The following CDH18 variants were observed in gnomAD, a reference collection of about 807,000 sequenced individuals.
CDH18 encodes the protein cadherin-18.
A neutral mutation model predicts 67.9 loss-of-function variants in CDH18; 31 were observed. The ratio of observed to expected loss-of-function variants is 0.46; its 90% CI spans 0.34 to 0.62. The LOEUF (loss-of-function observed/expected upper bound fraction) is 0.62, where lower values mean the gene tolerates loss of function less well. Ranked by LOEUF, CDH18 falls within the 20% of genes least tolerant of loss-of-function variation. The pLI is 0.01. For missense variants in CDH18, 890 were observed against 975.5 expected (o/e 0.91, Z 1.17); for synonymous variants, 362 against 347.2 (o/e 1.04, Z -0.48).
At chr5:19,728,869 G>T (rs1185543656) in intron 4 of CDH18, among the ~76,000 whole-genome samples, 1 of 152,084 alleles carries the variant, frequency 6.6e-6, no homozygotes. Context: ...ACATGAAAAA[G>T]AAATAGTCGT....
At chr5:19,998,507 G>C (rs1185763300) in intron 2 of CDH18, among the ~76,000 whole-genome samples, 2 of 152,086 alleles carry the variant, frequency 1.3e-5, no homozygotes, top group Non-Finnish European at 2.9e-5. Context: ...AGGACCATTA[G>C]ATATCAACAA....
At chr5:19,782,592 G>C (rs749204308) in intron 3 of CDH18, among the ~76,000 whole-genome samples, 34 of 152,272 alleles carry the variant, frequency 2.2e-4, no homozygotes, top group Non-Finnish European at 4.0e-4. Flanking sequence ...ATGGAGTCAG[G>C]GCAGCACGAT....
chr5:20,103,767 T>C (rs1746682517), intron 2 of CDH18, among the ~76,000 whole-genome samples: 1 of 149,868 alleles, frequency 6.7e-6, no homozygotes, highest in Non-Finnish European at 1.5e-5. Context: ...TGTGTATAAT[T>C]TAATATAGAA....
chr5:19,651,445 C>A (rs948770760), intron 5 of CDH18, among the ~76,000 whole-genome samples: 26 of 152,056 alleles, frequency 1.7e-4, no homozygotes, highest in Admixed American at 1.5e-3. Context: ...CCTTCCAGAT[C>A]TTCAAGATCA....
At chr5:20,167,681 C>T (rs1736398571) in intron 2 of CDH18, among the ~76,000 whole-genome samples, 1 of 152,014 alleles carries the variant, frequency 6.6e-6, no homozygotes, top group Admixed American at 6.6e-5. Context: ...TGTGAATGTG[C>T]AGTGAATAGG....
chr5:19,793,931 G>C (rs1173037406), intron 3 of CDH18, among the ~76,000 whole-genome samples: 1 of 152,032 alleles, frequency 6.6e-6, no homozygotes, highest in Non-Finnish European at 1.5e-5. Context: ...GGTAAGTTTG[G>C]TAATATAATT....
chr5:19,933,139 T>C (rs1793890219), intron 2 of CDH18, among the ~76,000 whole-genome samples: 1 of 151,542 alleles, frequency 6.6e-6, no homozygotes. Flanking sequence ...TTCTCCCCTT[T>C]AATCCTTATT....
intron 1 of CDH18, among the ~76,000 whole-genome samples, chr5:20,358,042 A>T (rs1442852993): frequency 6.6e-6 from 1 of 152,244 alleles, no homozygotes. Flanking sequence ...AAACTAGGGC[A>T]GAAACAGAAA....
chr5:19,734,255 T>C (rs1421001396), intron 4 of CDH18, among the ~76,000 whole-genome samples: 1 of 152,236 alleles, frequency 6.6e-6, no homozygotes, highest in Non-Finnish European at 1.5e-5. Flanking sequence ...CCCCTTTCAA[T>C]TGGAATGCTA....
chr5:19,858,954 A>G (rs1784574099), intron 2 of CDH18, among the ~76,000 whole-genome samples: 1 of 152,134 alleles, frequency 6.6e-6, no homozygotes, highest in South Asian at 2.1e-4. Context: ...ATTTAAACTG[A>G]GCATGAAAAA....
At chr5:20,516,878 C>A (rs1191451269) in intron 1 of CDH18, among the ~76,000 whole-genome samples, 1 of 151,798 alleles carries the variant, frequency 6.6e-6, no homozygotes, top group South Asian at 2.1e-4. Flanking sequence ...TGACAAATTA[C>A]GTGTTTTCAA....
At chr5:19,912,868 A>G (rs1393648996) in intron 2 of CDH18, among the ~76,000 whole-genome samples, 1 of 152,144 alleles carries the variant, frequency 6.6e-6, no homozygotes, top group Non-Finnish European at 1.5e-5. Context: ...AACTCAAAGC[A>G]AAGATAGGAC....
rs920939139 is a variant in CDH18, at chr5:20,086,789, C to T, written c.-517-94775G>A. On this transcript the variant is annotated intron_variant, in intron 2 of 14. Coordinates refer to the CDH18 transcript ENST00000507958. The stretch of plus-strand genomic sequence containing the variant: ...AAGACTCTTTCTAAATACTAATGCT[C>T]ATTGATAAGGTACCTGGTCACCCAA... 2.6e-5 allele frequency among the ~76,000 whole-genome samples: 4 copies of T among 152,152 alleles called. No homozygotes were observed. The South Asian group carries it at 8.3e-4, about 31-fold the overall frequency.
At chr5:19,545,174 T>C (rs1736100641) in intron 8 of CDH18, among the ~76,000 whole-genome samples, 1 of 152,202 alleles carries the variant, frequency 6.6e-6, no homozygotes, top group Non-Finnish European at 1.5e-5. Context: ...TCAGCTTAAG[T>C]AATATTTTAT....
chr5:19,643,366 G>T lies in CDH18; in HGVS notation c.644-30765C>A, dbSNP rs534482803. On this transcript the variant is annotated intron_variant, in intron 5 of 12. Coordinates refer to ENST00000382275, the MANE Select transcript of CDH18 (RefSeq NM_004934.5). ...AATGGAAATGAAATCAATATTTTGA[G>T]AAGATAACTATAGTCCCATGTTCAT... Among the ~76,000 whole-genome samples the T allele has an allele frequency of 5.5e-3, 839 of 152,178 alleles. 5 individuals are homozygous for T. The highest frequency in any genetic ancestry group is 0.019 in the African/African-American group (794 of 41,542).
At chr5:19,859,749 A>G (rs922448479) in intron 2 of CDH18, among the ~76,000 whole-genome samples, 4 of 152,084 alleles carry the variant, frequency 2.6e-5, no homozygotes, top group African/African-American at 9.7e-5. Flanking sequence ...ATACATCTTA[A>G]ACATATTGAT....
intron 5 of CDH18, among the ~76,000 whole-genome samples, chr5:19,696,485 G>T (rs1311137001): frequency 4.0e-5 from 6 of 151,542 alleles, no homozygotes; most frequent in African/African-American, 1.2e-4. Context: ...GCAGTGAGCC[G>T]AGATTGATCC....
At chr5:20,532,283 TAC>T (rs1221151417) in intron 1 of CDH18, among the ~76,000 whole-genome samples, 4 of 152,144 alleles carry the variant, frequency 2.6e-5, no homozygotes, top group Admixed American at 2.6e-4. Flanking sequence ...TATTGTGAAT[TAC>T]AGTCATTGTA....
chr5:19,916,456 C>G (rs765197673), intron 2 of CDH18, among the ~76,000 whole-genome samples: 17 of 152,168 alleles, frequency 1.1e-4, no homozygotes, highest in Non-Finnish European at 2.2e-4. Context: ...GCCTGTGGAT[C>G]CACAGTCACA....
Sources: gnomAD v4.1 joint callset for allele counts (sites outside exome capture counted in the v4.1 genomes callset) on GRCh38, gnomAD v4.1.1 for gene constraint, MANE v1.5 for transcripts, NCBI Gene and HGNC (gene_info 2026-07-23, HGNC 2026-07-21) for gene names.